Variants in ARRDC2 observed in about 807,000 individuals in gnomAD.
ARRDC2 encodes arrestin domain-containing protein 2.
A neutral mutation model predicts 38.9 loss-of-function variants in ARRDC2; 39 were observed. The observed-to-expected ratio is 1.00, with a 90% CI of 0.78 to 1.31. The LOEUF (loss-of-function observed/expected upper bound fraction) is 1.31. Among genes scored for constraint, ARRDC2 ranks in the 50% most tolerant of loss-of-function variants. The probability of loss-of-function intolerance (pLI) is 0.00; values close to 1 mark genes in which losing one functional copy is unlikely to be tolerated. For missense variants in ARRDC2, 553 were observed against 588.4 expected (o/e 0.94, Z 0.62); for synonymous variants, 300 against 261.9 (o/e 1.15, Z -1.41).
At chr19:18,006,354 C>G (rs1025298506), upstream of ARRDC2, among the ~76,000 whole-genome samples, 1 of 152,194 alleles carries the variant, frequency 6.6e-6, no homozygotes, top group Admixed American at 6.5e-5. Context: ...ACTGAGTTAA[C>G]GAGACTCTGT....
chr19:18,008,370 C>T lies in ARRDC2; in HGVS notation c.60C>T (p.Val20=), dbSNP rs769856978. ...SVQLDGATAG[V]EPVFSGGQAV... is the part of the protein sequence containing the mutation. ...AGTTGGACGGCGCGACCGCGGGCGT[C>T]GAGCCCGTGTTTAGCGGCGGCCAGG... Residue 20 remains valine, a synonymous_variant, in exon 1 of 8, where the codon GTC becomes GTT. Coordinates refer to ENST00000222250, the MANE Select transcript of ARRDC2 (RefSeq NM_015683.2). The T allele has an allele frequency of 3.8e-6, 6 of 1,596,110 alleles. No individual in the cohort carries two copies. In the South Asian group the frequency reaches 5.5e-5, roughly 15 times the overall value.
intron 7 of ARRDC2, among the ~76,000 whole-genome samples, chr19:18,012,513 G>C (rs1314248985): frequency 6.6e-6 from 1 of 152,138 alleles, no homozygotes; most frequent in Non-Finnish European, 1.5e-5. Flanking sequence ...CTTGAACCCA[G>C]GAGGTAGAGG....
chr19:18,010,208 AT>A lies in ARRDC2; in HGVS notation c.863del (p.Ile288ThrfsTer14). 2 of 1,613,300 alleles carry A rather than the reference AT, an allele frequency of 1.2e-6. No homozygotes were observed. ...TTCCTTCCTCCAGGTCTGTGTGGAT[AT>A]CCCAGGAACGTCCAAGCTGCTGCTG... ...VDYALKVCVD[I>X]PGTSKLLLEL... On this transcript the variant is annotated frameshift_variant, in exon 6 of 8. Coordinates refer to ENST00000222250, the MANE Select transcript of ARRDC2 (RefSeq NM_015683.2). LOFTEE classifies it high-confidence loss of function.
intron 7 of ARRDC2, among the ~76,000 whole-genome samples, chr19:18,012,654 C>G (rs1486025188): frequency 6.6e-6 from 1 of 152,094 alleles, no homozygotes; most frequent in Non-Finnish European, 1.5e-5. Context: ...AAATATTATG[C>G]CATTTTATAT....
chr19:18,010,909 G>A (rs987203756), intron 7 of ARRDC2, among the ~76,000 whole-genome samples, 180 bp downstream of exon 7: 1 of 152,102 alleles, frequency 6.6e-6, no homozygotes, highest in Admixed American at 6.6e-5. Flanking sequence ...CGACCTCCCG[G>A]GCTCAAGCAA....
chr19:18,006,669 T>G (rs2033286271), upstream of ARRDC2, among the ~76,000 whole-genome samples: 1 of 151,916 alleles, frequency 6.6e-6, no homozygotes, highest in East Asian at 1.9e-4. Context: ...TAAAAATTGT[T>G]AAATTGTTAT....
In ARRDC2 at chr19:18,010,006, C is replaced by T. The variant is rs746198633; in HGVS notation, c.816C>T (p.His272=). 30 of 1,601,960 alleles carry T rather than the reference C, an allele frequency of 1.9e-5. No individual in the cohort carries two copies. Among genetic ancestry groups the T allele is most frequent in the Non-Finnish European group, 2.5e-5 (30 of 1,179,774 alleles). ...CCCCAGTGGGTCCTTCCATCCTGCA[C>T]TGCCGCGTTCTACACGTGGACTACG... ...RIPPVGPSIL[H]CRVLHVDYAL... Residue 272 remains histidine (H), a synonymous_variant, in exon 5 of 8, where the codon CAC becomes CAT. Transcript: ENST00000222250.
intron 3 of ARRDC2, 65 bp downstream of exon 3, chr19:18,009,183 G>A (rs981350891): frequency 6.8e-5 from 106 of 1,568,344 alleles, no homozygotes; most frequent in Non-Finnish European, 8.7e-5. Flanking sequence ...CTGGCTGCTG[G>A]GCGACACCAA....
chr19:18,011,556 A>G (rs1372354449), intron 7 of ARRDC2, among the ~76,000 whole-genome samples: 1 of 152,122 alleles, frequency 6.6e-6, no homozygotes, highest in Admixed American at 6.6e-5. Context: ...AAATACATAC[A>G]TGGATAATAC....
chr19:18,008,541 ACGCGTGGAGGTCGTGAGCCACCG>A lies in ARRDC2; in HGVS notation c.235_257del (p.Val79HisfsTer19). On this transcript the variant is annotated frameshift_variant, in exon 1 of 8. Transcript: ENST00000222250. LOFTEE classifies it high-confidence loss of function. Reference sequence around the variant, plus strand: ...CGGCTTACACGCAGAGCTACAGTGAACGCGTGGAGGTCGTGAGCCACCGCGCCACGCTCCTGGCGCCAGGTACG... The same window carrying A: ...CGGCTTACACGCAGAGCTACAGTGAACGCCACGCTCCTGGCGCCAGGTACG... The A allele has an allele frequency of 6.4e-7, 1 of 1,558,786 alleles. No individual in the cohort carries two copies. Among genetic ancestry groups the A allele is most frequent in the Non-Finnish European group, 8.6e-7 (1 of 1,159,780 alleles).
At chr19:18,012,547 A>G (rs934947637) in intron 7 of ARRDC2, among the ~76,000 whole-genome samples, 1 of 152,170 alleles carries the variant, frequency 6.6e-6, no homozygotes, top group African/African-American at 2.4e-5. Context: ...AGATTGCGCC[A>G]CTGCATTCCA....
Position 18,009,004 on chromosome 19 carries a change from T to A in ARRDC2, c.375T>A (p.Gly125=), listed in dbSNP as rs1327209750. The change falls in exon 3 of 8, where the codon GGT becomes GGA. Residue 125 remains glycine, a synonymous_variant. Coordinates refer to ENST00000222250, the MANE Select transcript of ARRDC2 (RefSeq NM_015683.2). Reference sequence around the variant, plus strand: ...TGACATCCTTCGAGGGCAAACACGGTAGTGTCCGCTACTGTATCAAGGCCA... The same window carrying A: ...TGACATCCTTCGAGGGCAAACACGGAAGTGTCCGCTACTGTATCAAGGCCA... ...TLVTSFEGKH[G]SVRYCIKATL... 2 of 1,613,492 alleles carry A rather than the reference T, an allele frequency of 1.2e-6. No individual in the cohort carries two copies. Among genetic ancestry groups the A allele is most frequent in the South Asian group, 2.2e-5 (2 of 91,084 alleles).
chr19:18,004,273 A>G (rs1361364993), upstream of ARRDC2, among the ~76,000 whole-genome samples: 1 of 141,086 alleles, frequency 7.1e-6, no homozygotes, highest in Non-Finnish European at 1.5e-5. Context: ...TTTAGGCGGA[A>G]TTTCACTCTT....
chr19:18,002,734 C>T (rs1051113118), intron 1 of ARRDC2, among the ~76,000 whole-genome samples: 5 of 152,162 alleles, frequency 3.3e-5, no homozygotes, highest in African/African-American at 7.2e-5. Flanking sequence ...TTCCCTTCCC[C>T]GGCGACTCGG....
chr19:18,010,084 C>G (rs1219929010), intron 5 of ARRDC2, 45 bp downstream of exon 5: 1 of 1,605,250 alleles, frequency 6.2e-7, no homozygotes, highest in East Asian at 2.2e-5. Flanking sequence ...TACATTCACC[C>G]TGTATTCCCT....
At chr19:18,003,864 C>T (rs910883141), upstream of ARRDC2, among the ~76,000 whole-genome samples, 2 of 152,022 alleles carry the variant, frequency 1.3e-5, no homozygotes, top group Admixed American at 1.3e-4. Flanking sequence ...TGGTCTCGAT[C>T]TCCTGACCTC....
In ARRDC2 at chr19:18,008,566, G is replaced by A. The variant is rs748262731; in HGVS notation, c.256G>A (p.Ala86Thr). The change falls in exon 1 of 8, where the codon GCC becomes ACC. Residue 86 changes from alanine (A) to threonine (T), a missense_variant. Ala to Thr is a moderately conservative substitution (Grantham distance 58). Around this residue, in one of 3 missense-constraint regions of ARRDC2, gnomAD observed 447 missense variants for 456.6 expected, o/e 0.98. Coordinates refer to ENST00000222250, the MANE Select transcript of ARRDC2 (RefSeq NM_015683.2). ...SERVEVVSHR[A>T]TLLAPDTGET... ...ACGCGTGGAGGTCGTGAGCCACCGC[G>A]CCACGCTCCTGGCGCCAGGTACGGA... is the stretch of plus-strand genomic sequence containing the variant. The A allele has an allele frequency of 1.9e-6, 3 of 1,580,068 alleles. No individual in the cohort carries two copies. The highest frequency in any genetic ancestry group is 1.7e-6 in the Non-Finnish European group (2 of 1,170,744).
chr19:18,002,649 G>A (rs1188843812), intron 1 of ARRDC2, among the ~76,000 whole-genome samples: 2 of 152,232 alleles, frequency 1.3e-5, no homozygotes, highest in Non-Finnish European at 2.9e-5. Context: ...ACAGGTGCGG[G>A]GGACCCTTCC....
intron 7 of ARRDC2, among the ~76,000 whole-genome samples, chr19:18,012,502 G>A (rs1323421888): frequency 6.6e-6 from 1 of 152,040 alleles, no homozygotes; most frequent in Non-Finnish European, 1.5e-5. Context: ...CAGGAGAATC[G>A]CTTGAACCCA....
Sources: allele counts gnomAD v4.1 joint callset (sites outside exome capture counted in the v4.1 genomes callset), GRCh38; gene constraint gnomAD v4.1.1; regional missense constraint gnomAD v4.1.1; transcripts MANE v1.5; gene names NCBI Gene and HGNC (gene_info 2026-07-23, HGNC 2026-07-21).